TMEM229B: variants seen among roughly 807,000 people sequenced by gnomAD.
The protein encoded by TMEM229B is chromosome 14 open reading frame 83.
Under a neutral mutation model 13.7 loss-of-function variants are expected in TMEM229B, and 6 were observed. The ratio of observed to expected loss-of-function variants is 0.44; its 90% CI spans 0.24 to 0.86. The LOEUF is 0.86. Ranked by LOEUF, TMEM229B falls within the 40% of genes least tolerant of loss-of-function variation. The probability of loss-of-function intolerance (pLI) is 0.23; values close to 1 mark genes in which losing one functional copy is unlikely to be tolerated. For synonymous variants in TMEM229B, 107 were observed against 102.1 expected (o/e 1.05, Z -0.29); for missense variants, 170 against 236.0 (o/e 0.72, Z 1.83).
chr14:67,522,445 C>G (rs563053593), intron 1 of TMEM229B, among the ~76,000 whole-genome samples: 1 of 152,098 alleles, frequency 6.6e-6, no homozygotes, highest in South Asian at 2.1e-4. Context: ...ATTGTTGAGG[C>G]GAGCCTGGTT....
At chr14:67,480,391 G>C (rs2031512344) in intron 2 of TMEM229B, among the ~76,000 whole-genome samples, 1 of 152,192 alleles carries the variant, frequency 6.6e-6, no homozygotes, top group African/African-American at 2.4e-5. Flanking sequence ...GACTGAAGGT[G>C]AGCCTCCAGC....
intron 2 of TMEM229B, among the ~76,000 whole-genome samples, chr14:67,483,445 C>T (rs1387477561): frequency 6.6e-6 from 1 of 152,200 alleles, no homozygotes; most frequent in Non-Finnish European, 1.5e-5. Flanking sequence ...AGGGCACTAC[C>T]ATTTTCTGAG....
chr14:67,475,777 A>G (rs891885671), intron 2 of TMEM229B, among the ~76,000 whole-genome samples: 13 of 152,052 alleles, frequency 8.5e-5, no homozygotes, highest in Admixed American at 3.3e-4. Context: ...CCCGGCTCCC[A>G]TGCTGCTTCT....
At chr14:67,480,870 G>C (rs576671972) in intron 2 of TMEM229B, among the ~76,000 whole-genome samples, 4 of 152,290 alleles carry the variant, frequency 2.6e-5, no homozygotes, top group African/African-American at 9.6e-5. Context: ...ACAGACGGGA[G>C]GGTCCAGTCT....
At chr14:67,488,381 CT>C (rs546091523) in intron 1 of TMEM229B, 126 bp downstream of exon 1, 11 of 152,448 alleles carry the variant, frequency 7.2e-5, no homozygotes, top group African/African-American at 2.4e-4. Context: ...GGGTGCCCCC[CT>C]GGGTCTCCCC....
At chr14:67,518,046 G>T (rs1054832879), upstream of TMEM229B, among the ~76,000 whole-genome samples, 23 of 152,210 alleles carry the variant, frequency 1.5e-4, no homozygotes, top group Non-Finnish European at 3.4e-4. Flanking sequence ...CAGAATTGTG[G>T]GAAGGGGTTG....
At chr14:67,482,784 G>A (rs555284661) in intron 2 of TMEM229B, among the ~76,000 whole-genome samples, 1 of 152,252 alleles carries the variant, frequency 6.6e-6, no homozygotes, top group East Asian at 1.9e-4. Flanking sequence ...ACTGGCTGGT[G>A]CACATGCTGC....
At chr14:67,529,744 G>A (rs532075308) in intron 1 of TMEM229B, among the ~76,000 whole-genome samples, 137 of 152,206 alleles carry the variant, frequency 9.0e-4, no homozygotes, top group African/African-American at 3.1e-3. Flanking sequence ...GACAATCACC[G>A]AAGAGCCAAA....
intron 1 of TMEM229B, among the ~76,000 whole-genome samples, chr14:67,511,924 ATGTG>A (rs1180166789): frequency 6.6e-6 from 1 of 152,204 alleles, no homozygotes; most frequent in Non-Finnish European, 1.5e-5. Flanking sequence ...CTATCTGTGG[ATGTG>A]TGTGTCGGGG....
At chr14:67,490,100 C>T (rs2032106403), upstream of TMEM229B, among the ~76,000 whole-genome samples, 1 of 152,158 alleles carries the variant, frequency 6.6e-6, no homozygotes, top group Non-Finnish European at 1.5e-5. Context: ...TGGAGAAGGG[C>T]CCAGCTGCAT....
At chr14:67,489,032 G>A (rs1458750037), upstream of TMEM229B, among the ~76,000 whole-genome samples, 1 of 152,162 alleles carries the variant, frequency 6.6e-6, no homozygotes, top group East Asian at 1.9e-4. Context: ...AGGGGACAGG[G>A]GACATGAGGC....
chr14:67,519,521 G>T (rs1467435046), upstream of TMEM229B, among the ~76,000 whole-genome samples: 1 of 152,158 alleles, frequency 6.6e-6, no homozygotes, highest in Admixed American at 6.5e-5. Flanking sequence ...GGACAGGGAA[G>T]GGTCCATCCG....
upstream of TMEM229B, among the ~76,000 whole-genome samples, chr14:67,519,131 T>C (rs2033251894): frequency 6.6e-6 from 1 of 151,330 alleles, no homozygotes; most frequent in South Asian, 2.1e-4. Context: ...AATGGGGGAG[T>C]CTCTTTGCAA....
At chr14:67,531,655 C>T (rs1348300350) in intron 1 of TMEM229B, among the ~76,000 whole-genome samples, 1 of 151,116 alleles carries the variant, frequency 6.6e-6, no homozygotes, top group Non-Finnish European at 1.5e-5. Context: ...TGGCTCATCC[C>T]TGTAATCCCA....
chr14:67,510,641 G>A (rs1277046837), intron 1 of TMEM229B, among the ~76,000 whole-genome samples: 3 of 152,208 alleles, frequency 2.0e-5, no homozygotes, highest in Admixed American at 2.0e-4. Flanking sequence ...TCTTGTCCAT[G>A]TGTGTTTTAA....
chr14:67,506,294 T>C (rs949301760), intron 1 of TMEM229B, among the ~76,000 whole-genome samples: 1 of 152,172 alleles, frequency 6.6e-6, no homozygotes, highest in Non-Finnish European at 1.5e-5. Flanking sequence ...CCGTCTCCTA[T>C]GAATAACCAG....
chr14:67,504,433 T>C (rs2032741981), intron 1 of TMEM229B, among the ~76,000 whole-genome samples: 1 of 152,246 alleles, frequency 6.6e-6, no homozygotes, highest in Non-Finnish European at 1.5e-5. Context: ...TAAATGTCAG[T>C]TGTTGTCACT....
At chr14:67,506,779 A>T (rs2032842525) in intron 1 of TMEM229B, among the ~76,000 whole-genome samples, 1 of 152,156 alleles carries the variant, frequency 6.6e-6, no homozygotes, top group Non-Finnish European at 1.5e-5. Flanking sequence ...AAGTAAAGAG[A>T]TCGAGACCAT....
At chr14:67,513,071 T>C (rs943742418) in intron 1 of TMEM229B, among the ~76,000 whole-genome samples, 1 of 152,220 alleles carries the variant, frequency 6.6e-6, no homozygotes, top group Non-Finnish European at 1.5e-5. Context: ...TAAATCACTT[T>C]ATAAATGTAA....
Sources: allele counts gnomAD v4.1 joint callset (sites outside exome capture counted in the v4.1 genomes callset), GRCh38; gene constraint gnomAD v4.1.1; transcripts MANE v1.5; gene names NCBI Gene and HGNC (gene_info 2026-07-23, HGNC 2026-07-21).